Variants in TBC1D17 observed in about 807,000 individuals in gnomAD.
TBC1D17 encodes the protein TBC1 domain family member 17.
In TBC1D17, 69 loss-of-function variants were observed where a neutral mutation model predicts 78.8. The observed-to-expected ratio is 0.88, with a 90% CI of 0.72 to 1.07. The LOEUF (loss-of-function observed/expected upper bound fraction) is 1.07, where lower values mean the gene tolerates loss of function less well. TBC1D17 is among the 50% of genes least tolerant of loss of function. The probability of loss-of-function intolerance (pLI) is 0.00; values close to 1 mark genes in which losing one functional copy is unlikely to be tolerated. For missense variants in TBC1D17, 957 were observed against 861.0 expected (o/e 1.11, Z -1.39); for synonymous variants, 456 against 358.3 (o/e 1.27, Z -3.08).
intron 15 of TBC1D17, 197 bp downstream of exon 15, chr19:49,888,031 T>G: frequency 9.9e-7 from 1 of 1,006,288 alleles, no homozygotes; most frequent in Non-Finnish European, 1.5e-6. Flanking sequence ...TCCGGGCAGG[T>G]GGGTGGGGAC....
chr19:49,879,915 G>A (rs1320877726), intron 3 of TBC1D17, among the ~76,000 whole-genome samples: 1 of 147,914 alleles, frequency 6.8e-6, no homozygotes, highest in Non-Finnish European at 1.5e-5. Context: ...GTGCAATGGC[G>A]CCATCTCAGC....
At chr19:49,879,492 T>G (rs925896484) in intron 3 of TBC1D17, 3 of 152,224 alleles carry the variant, frequency 2.0e-5, no homozygotes, top group East Asian at 3.8e-4. Context: ...GTTACATCAC[T>G]TCCGCTTTCC....
At chr19:49,886,018 C>A (rs113967504) in intron 13 of TBC1D17, among the ~76,000 whole-genome samples, 1 of 146,204 alleles carries the variant, frequency 6.8e-6, no homozygotes, top group Admixed American at 6.9e-5. Flanking sequence ...TGGTGGCTCA[C>A]GCCTGTAATC....
chr19:49,883,815 C>T (rs778760167), intron 10 of TBC1D17, 70 bp downstream of exon 10: 38 of 1,365,744 alleles, frequency 2.8e-5, no homozygotes, highest in Middle Eastern at 4.7e-4. Context: ...GGCATAAGTG[C>T]GAGTGGGAGA....
chr19:49,878,752 C>T, intron 3 of TBC1D17, 180 bp downstream of exon 3: 1 of 602,672 alleles, frequency 1.7e-6, no homozygotes. Context: ...CAGAGGATGC[C>T]CATTCAAGGA....
At position 49,888,302 on chromosome 19, in the gene TBC1D17, G is replaced by A. The variant is rs751807413; in HGVS notation, c.1731G>A (p.Gln577=). 6.3e-7 allele frequency: 1 copy of A among 1,585,956 alleles called. No individual in the cohort carries two copies. The highest frequency in any genetic ancestry group is 2.3e-5 in the East Asian group (1 of 43,662). ...VLTRAEALHR[Q]LTACPELPHN... The stretch of plus-strand genomic sequence containing the variant: ...CCCGCGCCGAGGCCCTGCACCGCCA[G>A]CTAACCGCCTGCCCCGTGAGTCCCC... Residue 577 remains glutamine (Q), a synonymous_variant, in exon 16 of 17, where the codon CAG becomes CAA. Transcript: ENST00000221543.
At chr19:49,877,777 T>G (rs2074968028) in intron 1 of TBC1D17, 33 bp downstream of exon 1, 1 of 1,575,984 alleles carries the variant, frequency 6.3e-7, no homozygotes, top group Non-Finnish European at 8.6e-7. Flanking sequence ...CTCGCTTCAG[T>G]GTATGCGAAA....
chr19:49,887,410 G>A, intron 13 of TBC1D17, 66 bp from the exon 14 acceptor site: 1 of 1,514,962 alleles, frequency 6.6e-7, no homozygotes, highest in Non-Finnish European at 9.1e-7. Context: ...TTCCAGTCAG[G>A]ATGACTTCTC....
At position 49,882,023 on chromosome 19, in the gene TBC1D17, T is replaced by C. The variant is rs1281829155; in HGVS notation, c.528-18T>C. On this transcript the variant is annotated intron_variant, in intron 5 of 16. Transcript: ENST00000221543. ...CCCCTACCTGTGCATCACCTGTGCG[T>C]CACCTCCCGCCTCCCAGCTCCCCGC... is the stretch of plus-strand genomic sequence containing the variant. 2 of 1,605,468 alleles carry C rather than the reference T, an allele frequency of 1.2e-6. No individual in the cohort carries two copies. Among genetic ancestry groups the C allele is most frequent in the African/African-American group, 1.3e-5 (1 of 74,662 alleles).
In TBC1D17 at chr19:49,882,334, A is replaced by G; in HGVS notation, c.732A>G (p.Gly244=). 6.2e-7 allele frequency: 1 copy of G among 1,610,854 alleles called. No individual in the cohort carries two copies. Among genetic ancestry groups the G allele is most frequent in the Non-Finnish European group, 8.5e-7 (1 of 1,179,944 alleles). Residue 244 remains glycine, a synonymous_variant, in exon 7 of 17, where the codon GGA becomes GGG. Transcript: ENST00000221543. ...FRGALQPQPE[G]AASDLPPPPD... is the part of the protein sequence containing the mutation. Reference sequence around the variant, plus strand: ...GTGCCCTGCAGCCACAGCCTGAGGGAGCCGCCTCCGACCTTCCCCCGCCAC... The same window carrying G: ...GTGCCCTGCAGCCACAGCCTGAGGGGGCCGCCTCCGACCTTCCCCCGCCAC...
In TBC1D17 at chr19:49,884,745, C is replaced by T. The variant is rs1305391038; in HGVS notation, c.1431C>T (p.Leu477=). Residue 477 remains leucine (L), a synonymous_variant, in exon 13 of 17, where the codon CTC becomes CTT. Coordinates refer to ENST00000221543, the MANE Select transcript of TBC1D17 (RefSeq NM_024682.3). ...TCCTGAGGGTGCTGGACCCCCTGCT[C>T]TGCGACTTCCTGGGTATGTCTCTCG... The part of the protein sequence containing the change: ...LLLLRVLDPL[L]CDFLDSQDSG... The T allele has an allele frequency of 1.2e-6, 2 of 1,613,790 alleles. No individual in the cohort carries two copies. Among genetic ancestry groups the T allele is most frequent in the Non-Finnish European group, 1.7e-6 (2 of 1,180,028 alleles).
intron 11 of TBC1D17, 22 bp from the exon 12 acceptor site, chr19:49,884,437 G>A: frequency 6.2e-7 from 1 of 1,613,456 alleles, no homozygotes. Context: ...CTTGGCTGCA[G>A]CCTGACCCCA....
Position 49,878,096 on chromosome 19 carries a change from G to A in TBC1D17, c.22-47G>A, listed in dbSNP as rs759488701. The A allele has an allele frequency of 8.8e-6, 13 of 1,484,250 alleles. No homozygotes were observed. In the East Asian group the frequency reaches 3.2e-4, roughly 37 times the overall value. The allele number at this position is 1,484,250 out of a possible 1,614,324, so 91.9% of individuals were successfully genotyped here. A position where few individuals can be genotyped will look rare whatever the true frequency, so the allele number is the denominator to read the frequency against. ...CCCGTCCCTATTGGCTCCCCAGGCTGGTCCCCTCGCTTGGGCCCCAGCCCT... is the reference window on the plus strand; with the variant it reads ...CCCGTCCCTATTGGCTCCCCAGGCTAGTCCCCTCGCTTGGGCCCCAGCCCT... On this transcript the variant is annotated intron_variant, in intron 1 of 16. Transcript: ENST00000221543.
chr19:49,881,549 T>G (rs1421157105), intron 5 of TBC1D17, 74 bp downstream of exon 5: 3 of 1,428,630 alleles, frequency 2.1e-6, no homozygotes, highest in Non-Finnish European at 1.9e-6. Context: ...CCCTCGGGGC[T>G]GTGAAAGAAA....
At position 49,883,631 on chromosome 19, in the gene TBC1D17, T is replaced by C. The variant is rs2075034660; in HGVS notation, c.1032-20T>C. ...TGCAGACAGTGGCGGCCTCACATCTTGTTTCCCTCTGTCACTCAGGGATGA... is the reference window on the plus strand; with the variant it reads ...TGCAGACAGTGGCGGCCTCACATCTCGTTTCCCTCTGTCACTCAGGGATGA... On this transcript the variant is annotated intron_variant, in intron 9 of 16. Coordinates refer to ENST00000221543, the MANE Select transcript of TBC1D17 (RefSeq NM_024682.3). 6.2e-7 allele frequency: 1 copy of C among 1,610,936 alleles called. No individual in the cohort carries two copies. The highest frequency in any genetic ancestry group is 1.3e-5 in the African/African-American group (1 of 75,006).
At chr19:49,883,774 G>A (rs2075036166) in intron 10 of TBC1D17, 29 bp downstream of exon 10, 2 of 1,594,426 alleles carry the variant, frequency 1.3e-6, no homozygotes, top group Non-Finnish European at 1.7e-6. Flanking sequence ...ACTTAGGGTG[G>A]ATGGGAGCAG....
chr19:49,881,245 C>T lies in TBC1D17; in HGVS notation c.320-23C>T, dbSNP rs771002556. 3.1e-6 allele frequency: 5 copies of T among 1,605,410 alleles called. No homozygotes were observed. In the Admixed American group the frequency reaches 8.4e-5, roughly 27 times the overall value. ...GACTCTGGCTTCCCACGCGCTTCCC[C>T]CAACACAGTGCCGTCTCCCTAGGTG... On this transcript the variant is annotated intron_variant, in intron 4 of 16. Transcript: ENST00000221543.
Position 49,880,334 on chromosome 19 carries a change from G to A in TBC1D17, c.251G>A (p.Gly84Asp), listed in dbSNP as rs8109661. ...ASEEEPTFDP[G>D]YEPDWAVIST... ...GAGGAGGAACCAACCTTTGACCCCGGCTATGAACCTGACTGGGCTGTCATC... is the reference window on the plus strand; with the variant it reads ...GAGGAGGAACCAACCTTTGACCCCGACTATGAACCTGACTGGGCTGTCATC... Residue 84 changes from glycine to aspartate, a missense_variant, in exon 4 of 17, where the codon GGC (glycine) becomes GAC (aspartate). Coordinates refer to ENST00000221543, the MANE Select transcript of TBC1D17 (RefSeq NM_024682.3). 1 of 1,614,052 alleles carries A rather than the reference G, an allele frequency of 6.2e-7. No individual in the cohort carries two copies. Among genetic ancestry groups the A allele is most frequent in the Admixed American group, 1.7e-5 (1 of 60,016 alleles).
chr19:49,882,515 C>T (rs1281828872), intron 7 of TBC1D17, 115 bp downstream of exon 7: 3 of 1,465,990 alleles, frequency 2.0e-6, no homozygotes, highest in Non-Finnish European at 2.7e-6. Flanking sequence ...TAATGGGACA[C>T]CCTCAGGGGG....
Sources: allele counts gnomAD v4.1 joint callset (sites outside exome capture counted in the v4.1 genomes callset), GRCh38; gene constraint gnomAD v4.1.1; transcripts MANE v1.5; gene names NCBI Gene and HGNC (gene_info 2026-07-23, HGNC 2026-07-21).